The following PLEKHA6 variants were observed in gnomAD, a reference collection of about 807,000 sequenced individuals.
PLEKHA6 encodes the protein pleckstrin homology domain-containing family A member 6.
Under a neutral mutation model 116.7 loss-of-function variants are expected in PLEKHA6, and 60 were observed. That is an observed-to-expected ratio of 0.51 (90% CI 0.42 to 0.64). The LOEUF (loss-of-function observed/expected upper bound fraction) is 0.64. Among genes scored for constraint, PLEKHA6 ranks in the 30% least tolerant of loss-of-function variants. The pLI, the probability that PLEKHA6 is intolerant of heterozygous loss-of-function variation, is 0.00. For synonymous variants in PLEKHA6, 489 were observed against 556.1 expected (o/e 0.88, Z 1.70); for missense variants, 1,338 against 1,422.7 (o/e 0.94, Z 0.96).
chr1:204,364,705 C>T (rs1572234064), upstream of PLEKHA6, among the ~76,000 whole-genome samples: 1 of 152,146 alleles, frequency 6.6e-6, no homozygotes, highest in Non-Finnish European at 1.5e-5. Context: ...CTGTGTTGCC[C>T]CTGCCCTTGA....
intron 1 of PLEKHA6, among the ~76,000 whole-genome samples, chr1:204,346,437 G>C (rs1235149789): frequency 6.6e-6 from 1 of 151,982 alleles, no homozygotes; most frequent in Non-Finnish European, 1.5e-5. Context: ...GGGCAGCTCT[G>C]AGCCACCACA....
chr1:204,267,538 C>G lies in PLEKHA6; in HGVS notation c.217G>C (p.Gly73Arg). 1 of 1,613,992 alleles carries G rather than the reference C, an allele frequency of 6.2e-7. No individual in the cohort carries two copies. The highest frequency in any genetic ancestry group is 2.2e-5 in the East Asian group (1 of 44,878). Reference sequence around the variant, plus strand: ...CAGCGCTTGTTCCACTGCTTAACCCCGGAGCTGGCCTGCGGGACATGGGAG... The same window carrying G: ...CAGCGCTTGTTCCACTGCTTAACCCGGGAGCTGGCCTGCGGGACATGGGAG... ...AGWLFKQASS[G>R]VKQWNKRWFV... The change falls in exon 5 of 23, where the codon GGG becomes CGG. Residue 73 changes from glycine (G) to arginine (R), a missense_variant. By Grantham distance (125) the Gly-to-Arg change is moderately radical. Coordinates refer to ENST00000272203, the MANE Select transcript of PLEKHA6 (RefSeq NM_014935.5).
chr1:204,285,595 C>T (rs1053387231), intron 1 of PLEKHA6, among the ~76,000 whole-genome samples: 6 of 152,070 alleles, frequency 3.9e-5, no homozygotes, highest in Admixed American at 3.9e-4. Context: ...CCCACCTCAG[C>T]CTCCCCAGTA....
intron 17 of PLEKHA6, among the ~76,000 whole-genome samples, chr1:204,231,209 A>G (rs945076446): frequency 6.6e-6 from 1 of 152,232 alleles, no homozygotes; most frequent in African/African-American, 2.4e-5. Context: ...GAAAATTTCA[A>G]GGTGTATAAT....
chr1:204,326,351 A>G (rs545839228), intron 1 of PLEKHA6, among the ~76,000 whole-genome samples: 2 of 152,210 alleles, frequency 1.3e-5, no homozygotes, highest in African/African-American at 2.4e-5. Context: ...CAAATGTTCT[A>G]TCAGTGCCCA....
At chr1:204,370,924 C>T (rs1673761123) in intron 2 of PLEKHA6, among the ~76,000 whole-genome samples, 1 of 151,972 alleles carries the variant, frequency 6.6e-6, no homozygotes, top group South Asian at 2.1e-4. Context: ...TGTGGTGGCA[C>T]ACACATGTAA....
chr1:204,260,321 G>A (rs1665944604), intron 7 of PLEKHA6, among the ~76,000 whole-genome samples: 1 of 152,158 alleles, frequency 6.6e-6, no homozygotes, highest in African/African-American at 2.4e-5. Flanking sequence ...AGAAGTTTCT[G>A]CTTTCAAACT....
intron 1 of PLEKHA6, among the ~76,000 whole-genome samples, chr1:204,285,081 T>C (rs1669011937): frequency 6.6e-6 from 1 of 152,228 alleles, no homozygotes; most frequent in African/African-American, 2.4e-5. Context: ...CATTTCACTG[T>C]GTCTCAAGAG....
At chr1:204,326,869 G>T in intron 1 of PLEKHA6, 1 of 485,776 alleles carries the variant, frequency 2.1e-6, no homozygotes, top group Non-Finnish European at 2.7e-6. Flanking sequence ...ATCATCCTTA[G>T]ACTAGCTCCC....
rs531859745 is a variant in PLEKHA6 at position 204,269,885 on chromosome 1, G to A, written c.103-1573C>T. On this transcript the variant is annotated intron_variant, in intron 3 of 22. Transcript: ENST00000272203. ...CACTCAAGTCTCTCCATCTGAAAAT[G>A]TCTCTGTCTCTCTCTCATGCTCCCA... Among the ~76,000 whole-genome samples the A allele has an allele frequency of 8.5e-5, 13 of 152,238 alleles. 2 individuals are homozygous for A. The South Asian group carries it at 2.7e-3, about 32-fold the overall frequency.
At position 204,268,201 on chromosome 1, in the gene PLEKHA6, G is replaced by T. The variant is rs778692608; in HGVS notation, c.207+7C>A. 1 of 1,592,108 alleles carries T rather than the reference G, an allele frequency of 6.3e-7. No homozygotes were observed. The highest frequency in any genetic ancestry group is 8.6e-7 in the Non-Finnish European group (1 of 1,162,440). On this transcript the variant is annotated splice_region_variant and intron_variant, in intron 4 of 22. Transcript: ENST00000272203. ...CTACGGTGGCCAGAACCGCAGGGTG[G>T]CCTCACCTGTTTGAAGAGCCAGCCC...
chr1:204,294,517 C>G (rs1331913029), intron 1 of PLEKHA6, among the ~76,000 whole-genome samples: 1 of 152,222 alleles, frequency 6.6e-6, no homozygotes, highest in Non-Finnish European at 1.5e-5. Context: ...CAGGACACAG[C>G]CCAAAGCCAG....
intron 1 of PLEKHA6, among the ~76,000 whole-genome samples, chr1:204,303,211 C>T (rs1286198122): frequency 1.3e-5 from 2 of 152,148 alleles, no homozygotes; most frequent in Admixed American, 6.5e-5. Context: ...TCTTCCAGAT[C>T]GGAGCCAATC....
intron 1 of PLEKHA6, among the ~76,000 whole-genome samples, chr1:204,306,861 A>T (rs1671359369): frequency 6.6e-6 from 1 of 152,194 alleles, no homozygotes; most frequent in Admixed American, 6.5e-5. Context: ...AAGTGTTCTA[A>T]GCACCTACAA....
chr1:204,286,131 G>A (rs1669151423), intron 1 of PLEKHA6, among the ~76,000 whole-genome samples: 1 of 152,170 alleles, frequency 6.6e-6, no homozygotes, highest in South Asian at 2.1e-4. Flanking sequence ...CTGTTGCTAA[G>A]CAGACATCAC....
At chr1:204,291,924 T>C (rs1262460488) in intron 1 of PLEKHA6, among the ~76,000 whole-genome samples, 2 of 152,088 alleles carry the variant, frequency 1.3e-5, no homozygotes, top group Admixed American at 6.6e-5. Flanking sequence ...AATAAATCTA[T>C]AAAAAAGAAA....
rs1024319186 is a variant in PLEKHA6 at position 204,220,699 on chromosome 1, A to G, written c.*2089T>C. 2 of 152,632 alleles carry G rather than the reference A, an allele frequency of 1.3e-5. No homozygotes were observed. Among genetic ancestry groups the G allele is most frequent in the Non-Finnish European group, 2.9e-5 (2 of 68,042 alleles). 9.5% of individuals were successfully genotyped at this position (152,632 alleles called of 1,614,324 possible). Reference sequence around the variant, plus strand: ...AAAAACAGGCCTGGGCAGGAACTGTAGGAAAAGATCAGACATCCAAACAAA... The same window carrying G: ...AAAAACAGGCCTGGGCAGGAACTGTGGGAAAAGATCAGACATCCAAACAAA... On this transcript the variant is annotated 3_prime_UTR_variant, in exon 23 of 23. Coordinates refer to ENST00000272203, the MANE Select transcript of PLEKHA6 (RefSeq NM_014935.5).
intron 9 of PLEKHA6, among the ~76,000 whole-genome samples, chr1:204,254,549 G>A (rs1174659698): frequency 6.6e-6 from 1 of 152,152 alleles, no homozygotes; most frequent in Non-Finnish European, 1.5e-5. Flanking sequence ...TGGGTCAGAA[G>A]CTTGGAGTCA....
chr1:204,353,994 C>G (rs1673351783), intron 1 of PLEKHA6, among the ~76,000 whole-genome samples: 1 of 152,178 alleles, frequency 6.6e-6, no homozygotes, highest in Non-Finnish European at 1.5e-5. Flanking sequence ...TCCCAGGAAC[C>G]AAGCAAAACC....
Sources: allele counts gnomAD v4.1 joint callset (sites outside exome capture counted in the v4.1 genomes callset), GRCh38; gene constraint gnomAD v4.1.1; transcripts MANE v1.5; gene names NCBI Gene and HGNC (gene_info 2026-07-23, HGNC 2026-07-21).